The following MINK1 variants were observed in gnomAD, a reference collection of about 807,000 sequenced individuals.
MINK1 encodes misshapen-like kinase 1.
A neutral mutation model predicts 178.4 loss-of-function variants in MINK1; 46 were observed. The ratio of observed to expected loss-of-function variants is 0.26; its 90% confidence interval spans 0.20 to 0.33. The LOEUF is 0.33. Ranked by LOEUF, MINK1 falls within the 10% of genes least tolerant of loss-of-function variation. The pLI is 1.00. For missense variants in MINK1, 1,366 were observed against 1,814.9 expected (o/e 0.75, Z 4.49); for synonymous variants, 797 against 709.7 (o/e 1.12, Z -1.96).
chr17:4,852,781 GTTGATGGGTGGAGTGTGT>G (rs1381163817), intron 1 of MINK1, among the ~76,000 whole-genome samples: 3 of 18,036 alleles, frequency 1.7e-4, no homozygotes, highest in South Asian at 1.1e-3. Flanking sequence ...GGGGAGTGTG[GTTGATGGGTGGAGTGTGT>G]TTGGTGGGGG....
At chr17:4,874,823 T>C (rs1029146668) in intron 1 of MINK1, among the ~76,000 whole-genome samples, 8 of 152,118 alleles carry the variant, frequency 5.3e-5, no homozygotes, top group African/African-American at 1.7e-4. Flanking sequence ...AATGTCGATA[T>C]CTGAACCCAG....
In MINK1 at chr17:4,886,012, C is replaced by T. The variant is rs754883266; in HGVS notation, c.694+47C>T. The stretch of plus-strand genomic sequence containing the variant: ...AGTGGGAGGGGAGGGAAAGGAAGGG[C>T]CCAGAGAGTGGCTGTAGGGAGGAGG... On this transcript the variant is annotated intron_variant, in intron 8 of 31. Coordinates refer to ENST00000355280, the MANE Select transcript of MINK1 (RefSeq NM_153827.5). This position sits in a 1 kb window ranked among gnomAD's most constrained non-coding sequence, Gnocchi z 6.1. 6 of 1,610,612 alleles carry T rather than the reference C, an allele frequency of 3.7e-6. No individual in the cohort carries two copies. The highest frequency in any genetic ancestry group is 5.1e-6 in the Non-Finnish European group (6 of 1,177,084).
At chr17:4,872,462 AC>A (rs1022407439) in intron 1 of MINK1, among the ~76,000 whole-genome samples, 15 of 151,700 alleles carry the variant, frequency 9.9e-5, no homozygotes, top group Admixed American at 5.9e-4. Context: ...ACACGGTGAA[AC>A]CCCGTCTACA....
In MINK1 at chr17:4,886,513, C is replaced by G. The variant is rs773352399; in HGVS notation, c.836C>G (p.Pro279Arg). 6.2e-7 allele frequency: 1 copy of G among 1,613,554 alleles called. No homozygotes were observed. Among genetic ancestry groups the G allele is most frequent in the African/African-American group, 1.3e-5 (1 of 74,922 alleles). Residue 279 changes from proline (P) to arginine (R), a missense_variant, in exon 10 of 32, where the codon CCC becomes CGC. Physicochemically the swap from Pro to Arg is moderately radical, Grantham distance 103. This residue lies in a region of MINK1 where 109 missense variants were observed against 369.4 expected (regional missense o/e 0.30). Transcript: ENST00000355280. This position sits in a 1 kb window ranked among gnomAD's most constrained non-coding sequence, Gnocchi z 6.1. ...ATCAAGACTTACCTGAGCCGCCCAC[C>G]CACGGAGCAGCTACTGAAGTTTCCC... ...CLIKTYLSRP[P>R]TEQLLKFPFI...
At chr17:4,854,398 T>C (rs1912682320) in intron 1 of MINK1, among the ~76,000 whole-genome samples, 1 of 152,208 alleles carries the variant, frequency 6.6e-6, no homozygotes, top group Non-Finnish European at 1.5e-5. Flanking sequence ...AACCTAGACA[T>C]GGAGGCAGCA....
rs1969213168 is a variant in MINK1 at position 4,894,432 on chromosome 17, C to T, written c.2809-93C>T. On this transcript the variant is annotated intron_variant, in intron 23 of 31. Transcript: ENST00000355280. This position sits in a 1 kb window ranked among gnomAD's most constrained non-coding sequence, Gnocchi z 4.1. ...GCTGGGAGCTGGACAGCGGGGGTGC[C>T]AGTTGGGGAGCTGGAGCCTGGGGAA... The T allele has an allele frequency of 6.6e-7, 1 of 1,521,170 alleles. No homozygotes were observed. The highest frequency in any genetic ancestry group is 8.9e-7 in the Non-Finnish European group (1 of 1,121,062). The allele number at this position is 1,521,170 out of a possible 1,614,324, so 94.2% of individuals were successfully genotyped here. A position where few individuals can be genotyped will look rare whatever the true frequency, so the allele number is the denominator to read the frequency against.
intron 1 of MINK1, among the ~76,000 whole-genome samples, chr17:4,863,046 A>G (rs947648241): frequency 6.6e-6 from 1 of 152,134 alleles, no homozygotes; most frequent in Non-Finnish European, 1.5e-5. Context: ...CAAAACAAAA[A>G]CCAAAAAAAA....
chr17:4,868,898 C>A, intron 1 of MINK1: 1 of 285,926 alleles, frequency 3.5e-6, no homozygotes, highest in Non-Finnish European at 7.1e-6. Context: ...CACAGGTGCA[C>A]ACTGCCACAC....
chr17:4,859,889 G>C (rs1913856259), intron 1 of MINK1, among the ~76,000 whole-genome samples: 2 of 150,308 alleles, frequency 1.3e-5, no homozygotes, highest in African/African-American at 2.4e-5. Flanking sequence ...ACCCCTCAAA[G>C]GGTTTCATCT....
Position 4,885,352 on chromosome 17 carries a change from G to A in MINK1, c.509-131G>A. 8.4e-7 allele frequency: 1 copy of A among 1,190,478 alleles called. No homozygotes were observed. The highest frequency in any genetic ancestry group is 2.8e-4 in the Middle Eastern group (1 of 3,562). The allele number at this position is 1,190,478 out of a possible 1,614,324, so 73.7% of individuals were successfully genotyped here. On this transcript the variant is annotated intron_variant, in intron 6 of 31. Transcript: ENST00000355280. This position sits in a 1 kb window ranked among gnomAD's most constrained non-coding sequence, Gnocchi z 5.0. ...TTCAGGATGGTGGTGGGGTAAAGGA[G>A]GGTGCTGGGGTGTCTGGGTCGGGCC...
chr17:4,875,405 T>A, intron 1 of MINK1: 1 of 440,686 alleles, frequency 2.3e-6, no homozygotes, highest in South Asian at 1.6e-5. Context: ...AGCCCAGGAG[T>A]TCAAGGCTAC....
At chr17:4,835,866 T>G (rs9900036) in intron 1 of MINK1, among the ~76,000 whole-genome samples, 57,173 of 151,922 alleles carry the variant, frequency 0.38, 10,885 homozygotes, top group African/African-American at 0.44. Flanking sequence ...AGCCTTACTC[T>G]CCTCTCCCCT....
chr17:4,841,894 G>C (rs577184338), intron 1 of MINK1, among the ~76,000 whole-genome samples: 178 of 152,238 alleles, frequency 1.2e-3, no homozygotes, highest in Non-Finnish European at 1.5e-3. Context: ...TGGCCTCCAG[G>C]GGGTGTTCGG....
intron 1 of MINK1, among the ~76,000 whole-genome samples, chr17:4,873,489 C>T (rs1966889678): frequency 7.7e-6 from 1 of 130,454 alleles, no homozygotes; most frequent in Admixed American, 8.1e-5. Flanking sequence ...TCAAACCCAG[C>T]CTGTTCTCCC....
chr17:4,834,395 C>CA (rs1227047039), intron 1 of MINK1, among the ~76,000 whole-genome samples: 1 of 152,122 alleles, frequency 6.6e-6, no homozygotes, highest in Non-Finnish European at 1.5e-5. Context: ...CACACACACA[C>CA]ACGCGCACAC....
intron 1 of MINK1, among the ~76,000 whole-genome samples, chr17:4,846,771 A>G (rs1911096370): frequency 6.6e-6 from 1 of 152,012 alleles, no homozygotes; most frequent in African/African-American, 2.4e-5. Context: ...CCTGGCCTCA[A>G]GTGATCCTCC....
rs1454626106 is a variant in MINK1 at position 4,894,161 on chromosome 17, C to T, written c.2671-13C>T. 4.0e-5 allele frequency: 64 copies of T among 1,613,394 alleles called. No individual in the cohort carries two copies. In the Admixed American group the frequency reaches 1.1e-3, roughly 27 times the overall value. On this transcript the variant is annotated splice_polypyrimidine_tract_variant and intron_variant, in intron 22 of 31. Coordinates refer to ENST00000355280, the MANE Select transcript of MINK1 (RefSeq NM_153827.5). The surrounding 1 kb of genome is among the most constrained non-coding windows in gnomAD (Gnocchi z 4.1). ...TCCTCAGCCCCACGCCAACCCTGCC[C>T]TCTGTCCTGTAGACCCCTGAAGAGG...
rs1968305614 is a variant in MINK1, at chr17:4,887,290, T to C, written c.1019+111T>C. The C allele has an allele frequency of 6.8e-6, 8 of 1,174,972 alleles. No homozygotes were observed. Among genetic ancestry groups the C allele is most frequent in the African/African-American group, 3.1e-5 (2 of 65,164 alleles). The allele number at this position is 1,174,972 out of a possible 1,614,324, so 72.8% of individuals were successfully genotyped here. ...CCTGGGGGTGGTGGGCACAGAGAGGTAGAGACTCCTGGAAACCAAATTTCT... is the reference window on the plus strand; with the variant it reads ...CCTGGGGGTGGTGGGCACAGAGAGGCAGAGACTCCTGGAAACCAAATTTCT... On this transcript the variant is annotated intron_variant, in intron 11 of 31. Transcript: ENST00000355280. The surrounding 1 kb of genome is among the most constrained non-coding windows in gnomAD (Gnocchi z 7.6).
intron 2 of MINK1, among the ~76,000 whole-genome samples, chr17:4,880,223 C>T (rs1202909772): frequency 6.6e-6 from 1 of 152,036 alleles, no homozygotes; most frequent in Non-Finnish European, 1.5e-5. Context: ...CTCAGGAGCG[C>T]TCTCTGTCCA....
Sources: allele counts gnomAD v4.1 joint callset (sites outside exome capture counted in the v4.1 genomes callset), GRCh38; gene constraint gnomAD v4.1.1; regional missense constraint gnomAD v4.1.1; non-coding constraint Gnocchi (gnomAD v3.1); transcripts MANE v1.5; gene names NCBI Gene and HGNC (gene_info 2026-07-23, HGNC 2026-07-21).